Variants in FHIT observed in about 807,000 individuals in gnomAD.
The protein encoded by FHIT is bis(5'-adenosyl)-triphosphatase.
Under a neutral mutation model 17.9 loss-of-function variants are expected in FHIT, and 19 were observed. That is an observed-to-expected ratio of 1.06 (90% CI 0.74 to 1.56). The LOEUF is 1.56. FHIT is among the 40% of genes most tolerant of loss of function. The pLI is 0.00. For synonymous variants in FHIT, 81 were observed against 69.7 expected, an observed-to-expected ratio of 1.16 and a Z score of -0.81; for missense variants, 248 against 189.2, an observed-to-expected ratio of 1.31 and a Z score of -1.82.
intron 8 of FHIT, among the ~76,000 whole-genome samples, chr3:59,797,601 C>T (rs1699828526): frequency 6.6e-6 from 1 of 152,146 alleles, no homozygotes; most frequent in African/African-American, 2.4e-5. Flanking sequence ...TGGGTTTCTC[C>T]TGTTTCATCA....
chr3:60,720,241 T>C (rs2041779360), intron 4 of FHIT, among the ~76,000 whole-genome samples: 1 of 152,098 alleles, frequency 6.6e-6, no homozygotes, highest in African/African-American at 2.4e-5. Flanking sequence ...TCCCCTCAAC[T>C]CTTTACCTGG....
At chr3:60,267,295 T>C (rs1185352646) in intron 5 of FHIT, among the ~76,000 whole-genome samples, 2 of 151,738 alleles carry the variant, frequency 1.3e-5, no homozygotes, top group East Asian at 1.9e-4. Flanking sequence ...ACAAGCCTTA[T>C]AGGGCTACAT....
chr3:60,494,825 A>T (rs566254343), intron 5 of FHIT, among the ~76,000 whole-genome samples: 7 of 152,302 alleles, frequency 4.6e-5, no homozygotes, highest in Non-Finnish European at 8.8e-5. Context: ...TTTTGTGGAT[A>T]AATAGTACTC....
At chr3:61,225,330 A>T (rs1278028860) in intron 1 of FHIT, among the ~76,000 whole-genome samples, 1 of 152,186 alleles carries the variant, frequency 6.6e-6, no homozygotes, top group Non-Finnish European at 1.5e-5. Context: ...CATAGAGAAA[A>T]ATATATATAT....
chr3:60,810,027 A>G (rs1484553746), intron 4 of FHIT, among the ~76,000 whole-genome samples: 1 of 152,214 alleles, frequency 6.6e-6, no homozygotes, highest in African/African-American at 2.4e-5. Context: ...CACTGCGGTG[A>G]TGATAAGGCC....
chr3:60,228,011 T>C (rs966241382), intron 5 of FHIT, among the ~76,000 whole-genome samples: 2 of 152,192 alleles, frequency 1.3e-5, no homozygotes, highest in African/African-American at 4.8e-5. Context: ...CCTTTTTCTT[T>C]TACTACCACT....
intron 5 of FHIT, among the ~76,000 whole-genome samples, chr3:60,533,315 G>A (rs2035854999): frequency 1.3e-5 from 2 of 152,134 alleles, no homozygotes; most frequent in Non-Finnish European, 2.9e-5. Context: ...TCTGTTAACT[G>A]GAACAATGCA....
chr3:59,959,517 T>C (rs1707565092), intron 7 of FHIT, among the ~76,000 whole-genome samples: 2 of 152,288 alleles, frequency 1.3e-5, no homozygotes, highest in South Asian at 2.1e-4. Context: ...GGCAATACTA[T>C]AGGAGGTAAG....
chr3:60,128,842 T>A (rs553029304), intron 5 of FHIT, among the ~76,000 whole-genome samples: 2 of 152,296 alleles, frequency 1.3e-5, no homozygotes, highest in South Asian at 4.1e-4. Flanking sequence ...AGCTCCCTGG[T>A]TATTCCATCT....
At chr3:60,948,555 T>G (rs974720873) in intron 3 of FHIT, among the ~76,000 whole-genome samples, 1 of 152,134 alleles carries the variant, frequency 6.6e-6, no homozygotes, top group Non-Finnish European at 1.5e-5. Context: ...CATCTTGTAA[T>G]TGAATTCCAC....
In FHIT at chr3:60,326,231, A is replaced by G. The variant is rs144771484; in HGVS notation, c.103+210629T>C. Among the ~76,000 whole-genome samples the G allele has an allele frequency of 6.0e-3, 919 of 152,158 alleles. 8 individuals carry two copies. Among genetic ancestry groups the G allele is most frequent in the African/African-American group, 0.021 (876 of 41,500 alleles). On this transcript the variant is annotated intron_variant, in intron 5 of 9. Coordinates refer to ENST00000492590, the MANE Select transcript of FHIT (RefSeq NM_002012.4). ...TGCATTTTATTTATATTATTATTAC[A>G]TTGTAATATATAATGAAATAATTCT...
chr3:60,551,947 T>C (rs1013488410), intron 4 of FHIT, among the ~76,000 whole-genome samples: 1 of 151,984 alleles, frequency 6.6e-6, no homozygotes, highest in African/African-American at 2.4e-5. Flanking sequence ...CAGAACATTT[T>C]TACCCCCAAA....
At chr3:59,752,617 G>C (rs958073257) in intron 8 of FHIT, among the ~76,000 whole-genome samples, 4 of 152,144 alleles carry the variant, frequency 2.6e-5, no homozygotes, top group African/African-American at 9.7e-5. Context: ...CCCAGTGTCA[G>C]AGGTGGGGCC....
At chr3:60,574,430 G>A (rs1447310795) in intron 4 of FHIT, among the ~76,000 whole-genome samples, 9 of 149,570 alleles carry the variant, frequency 6.0e-5, no homozygotes, top group African/African-American at 7.4e-5. Flanking sequence ...AATGCCAACT[G>A]TTGCTGTATC....
intron 5 of FHIT, among the ~76,000 whole-genome samples, chr3:60,345,928 A>C (rs1403335578): frequency 6.6e-6 from 1 of 152,234 alleles, no homozygotes; most frequent in African/African-American, 2.4e-5. Flanking sequence ...TTGAAGATGC[A>C]TTGGTAATTT....
In FHIT at chr3:60,485,661, G is replaced by A. The variant is rs559795283; in HGVS notation, c.103+51199C>T. On this transcript the variant is annotated intron_variant, in intron 5 of 9. Transcript: ENST00000492590. ...ACACCAAGGCCTGTTGGGGGTGGGGGGCAAGGGGAGGGAACTTAGACAACA... is the reference window on the plus strand; with the variant it reads ...ACACCAAGGCCTGTTGGGGGTGGGGAGCAAGGGGAGGGAACTTAGACAACA... 6.6e-5 allele frequency among the ~76,000 whole-genome samples: 10 copies of A among 152,138 alleles called. No homozygotes were observed. In the East Asian group the frequency reaches 1.9e-3, roughly 30 times the overall value.
At chr3:60,506,475 T>C (rs1447702839) in intron 5 of FHIT, among the ~76,000 whole-genome samples, 1 of 152,200 alleles carries the variant, frequency 6.6e-6, no homozygotes, top group African/African-American at 2.4e-5. Flanking sequence ...CTCGGACAAG[T>C]GTGTTTACTA....
intron 5 of FHIT, among the ~76,000 whole-genome samples, chr3:60,349,877 A>G (rs751682559): frequency 6.6e-6 from 1 of 152,120 alleles, no homozygotes; most frequent in Non-Finnish European, 1.5e-5. Flanking sequence ...CAGACTGTCA[A>G]CTCCATGAGG....
At chr3:60,625,652 T>G (rs1366212516) in intron 4 of FHIT, among the ~76,000 whole-genome samples, 4 of 152,218 alleles carry the variant, frequency 2.6e-5, no homozygotes, top group African/African-American at 7.2e-5. Flanking sequence ...TCTTATCAGA[T>G]ATATGATATG....
Sources: allele counts gnomAD v4.1 joint callset (sites outside exome capture counted in the v4.1 genomes callset), GRCh38; gene constraint gnomAD v4.1.1; transcripts MANE v1.5; gene names NCBI Gene and HGNC (gene_info 2026-07-23, HGNC 2026-07-21).